PAX3: variants seen among roughly 807,000 people sequenced by gnomAD.
PAX3 encodes the protein paired box protein Pax-3.
A neutral mutation model predicts 51.6 loss-of-function variants in PAX3; 14 were observed. The observed-to-expected ratio is 0.27, with a 90% CI of 0.18 to 0.42. PAX3 has a LOEUF of 0.42. Ranked by LOEUF, PAX3 falls within the 10% of genes least tolerant of loss-of-function variation. The probability of loss-of-function intolerance (pLI) is 1.00; values close to 1 mark genes in which losing one functional copy is unlikely to be tolerated. For synonymous variants in PAX3, 280 were observed against 253.4 expected, an observed-to-expected ratio of 1.11 and a Z score of -1.00; for missense variants, 540 against 642.8, an observed-to-expected ratio of 0.84 and a Z score of 1.73.
intron 7 of PAX3, among the ~76,000 whole-genome samples, chr2:222,207,681 C>T (rs1009232251): frequency 6.6e-6 from 1 of 152,102 alleles, no homozygotes; most frequent in Non-Finnish European, 1.5e-5. Flanking sequence ...ACAGAGATAG[C>T]TTATTTTTAT....
At chr2:222,251,091 T>TTTTATTTATTTA (rs61280457) in intron 4 of PAX3, among the ~76,000 whole-genome samples, 1,605 of 151,818 alleles carry the variant, frequency 0.011, 19 homozygotes, top group South Asian at 0.035. Flanking sequence ...CACAATACAT[T>TTTTATTTATTTA]TTTATTTATT....
At chr2:222,255,835 G>T (rs113418730) in intron 4 of PAX3, among the ~76,000 whole-genome samples, 16,693 of 145,414 alleles carry the variant, frequency 0.11, 1,202 homozygotes, top group East Asian at 0.32. Flanking sequence ...AGGCTGGAGT[G>T]CAGTGGCACA....
At chr2:222,202,616 A>C (rs974925182) in intron 7 of PAX3, among the ~76,000 whole-genome samples, 3 of 152,168 alleles carry the variant, frequency 2.0e-5, no homozygotes, top group Non-Finnish European at 2.9e-5. Flanking sequence ...ATTTTTAAAC[A>C]GTCATTTGCT....
chr2:222,282,391 A>G lies in PAX3; in HGVS notation c.586+11776T>C, dbSNP rs115676436. Among the ~76,000 whole-genome samples the G allele has an allele frequency of 5.5e-3, 841 of 152,344 alleles. 11 individuals are homozygous for G. The highest frequency in any genetic ancestry group is 0.018 in the African/African-American group (763 of 41,564). On this transcript the variant is annotated intron_variant, in intron 4 of 8. Coordinates refer to ENST00000392070, the MANE Select transcript of PAX3 (RefSeq NM_181458.4). ...TTTGGTGGAAGCAAGGTTTTTGAAA[A>G]AAACATAAAAAGTCTTTTGTGCAGA...
intron 4 of PAX3, among the ~76,000 whole-genome samples, chr2:222,278,029 C>T (rs781602243): frequency 1.7e-4 from 25 of 150,748 alleles, no homozygotes; most frequent in Non-Finnish European, 2.7e-4. Flanking sequence ...TATGTGTGAC[C>T]GAAGACAATT....
chr2:222,260,171 G>C (rs1693786295), intron 4 of PAX3, among the ~76,000 whole-genome samples: 2 of 152,094 alleles, frequency 1.3e-5, no homozygotes, highest in African/African-American at 2.4e-5. Flanking sequence ...CACCATGCCT[G>C]GTCTGTTTAT....
At position 222,201,150 on chromosome 2, in the gene PAX3, G is replaced by A. The variant is rs1381345383; in HGVS notation, c.*258C>T. 29 of 1,612,142 alleles carry A rather than the reference G, an allele frequency of 1.8e-5. No individual in the cohort carries two copies. Among genetic ancestry groups the A allele is most frequent in the Non-Finnish European group, 2.3e-5 (27 of 1,178,596 alleles). ...TGATATGTAACCATGTGAAACCATT[G>A]CCTTAAAATGTTGCATTTGTCTTTT... On this transcript the variant is annotated 3_prime_UTR_variant, in exon 9 of 9. Transcript: ENST00000392070.
chr2:222,239,598 C>T (rs1011134873), intron 4 of PAX3, among the ~76,000 whole-genome samples: 1 of 152,096 alleles, frequency 6.6e-6, no homozygotes, highest in African/African-American at 2.4e-5. Flanking sequence ...AACTATCAAG[C>T]CATACATTGA....
At chr2:222,287,476 G>A (rs1054944798) in intron 4 of PAX3, 2 of 152,192 alleles carry the variant, frequency 1.3e-5, no homozygotes, top group Admixed American at 1.3e-4. Context: ...CTAAGATCAG[G>A]CCCAACTTGG....
In PAX3 at chr2:222,295,669, C is replaced by T. The variant is rs1266178815; in HGVS notation, c.322-12G>A. The T allele has an allele frequency of 6.2e-7, 1 of 1,613,982 alleles. No homozygotes were observed. Among genetic ancestry groups the T allele is most frequent in the East Asian group, 2.2e-5 (1 of 44,888 alleles). On this transcript the variant is annotated splice_polypyrimidine_tract_variant and intron_variant, in intron 2 of 8. Coordinates refer to ENST00000392070, the MANE Select transcript of PAX3 (RefSeq NM_181458.4). ...GGCGTTGTCACCTGCTTTAAGAGAA[C>T]AGGCGGGCAGGCGTTGGTACCCGGT... is the stretch of plus-strand genomic sequence containing the variant.
chr2:222,289,453 C>A (rs1487582110), intron 4 of PAX3, among the ~76,000 whole-genome samples: 1 of 152,176 alleles, frequency 6.6e-6, no homozygotes, highest in Non-Finnish European at 1.5e-5. Flanking sequence ...CCTGAACCGC[C>A]GCGCGCTGAC....
chr2:222,254,166 A>T (rs1232732818), intron 4 of PAX3, among the ~76,000 whole-genome samples: 3 of 152,066 alleles, frequency 2.0e-5, no homozygotes, highest in Admixed American at 6.5e-5. Context: ...TTTAAAAAAA[A>T]GTTTCACTTT....
At chr2:222,289,283 T>A (rs1437504370) in intron 4 of PAX3, among the ~76,000 whole-genome samples, 1 of 152,234 alleles carries the variant, frequency 6.6e-6, no homozygotes, top group Non-Finnish European at 1.5e-5. Context: ...AGCTTTTCAT[T>A]TTCATTGGCC....
chr2:222,253,222 C>T (rs1344244415), intron 4 of PAX3, among the ~76,000 whole-genome samples: 1 of 152,184 alleles, frequency 6.6e-6, no homozygotes, highest in African/African-American at 2.4e-5. Context: ...GATTCCCTGT[C>T]TGTGAAGGAG....
chr2:222,294,322 G>A, intron 3 of PAX3, 21 bp from the exon 4 acceptor site: 2 of 1,613,906 alleles, frequency 1.2e-6, no homozygotes, highest in Non-Finnish European at 1.7e-6. Context: ...GAGGAGGAAG[G>A]AAGCAAGGGA....
intron 4 of PAX3, among the ~76,000 whole-genome samples, chr2:222,276,049 T>C (rs1343417037): frequency 6.6e-6 from 1 of 152,196 alleles, no homozygotes; most frequent in Non-Finnish European, 1.5e-5. Flanking sequence ...AGACAGCTTC[T>C]AGCTTTGTGG....
intron 5 of PAX3, among the ~76,000 whole-genome samples, chr2:222,230,940 G>C (rs996590999): frequency 6.6e-6 from 1 of 150,462 alleles, no homozygotes; most frequent in Admixed American, 6.6e-5. Flanking sequence ...TCATGTCTGT[G>C]TTATTTTTAA....
chr2:222,215,678 C>T (rs1691926799), intron 7 of PAX3, among the ~76,000 whole-genome samples: 1 of 151,982 alleles, frequency 6.6e-6, no homozygotes. Flanking sequence ...AGTACTTCCT[C>T]GGTACTCCAT....
At chr2:222,250,217 A>G (rs1294765723) in intron 4 of PAX3, among the ~76,000 whole-genome samples, 2 of 152,182 alleles carry the variant, frequency 1.3e-5, no homozygotes, top group Admixed American at 6.5e-5. Flanking sequence ...ATAGTTTGTG[A>G]AATTCTATTA....
Sources: gnomAD v4.1 joint callset for allele counts (sites outside exome capture counted in the v4.1 genomes callset) on GRCh38, gnomAD v4.1.1 for gene constraint, MANE v1.5 for transcripts, NCBI Gene and HGNC (gene_info 2026-07-23, HGNC 2026-07-21) for gene names.